The following NAV3 variants were observed in gnomAD, a reference collection of about 807,000 sequenced individuals.
The protein encoded by NAV3 is pore membrane and/or filament interacting like protein 1.
NAV3 carries 87 observed loss-of-function variants against 244.7 expected under a neutral mutation model. That is an observed-to-expected ratio of 0.36 (90% CI 0.30 to 0.42). The LOEUF (loss-of-function observed/expected upper bound fraction) is 0.42. Ranked by LOEUF, NAV3 falls within the 20% of genes least tolerant of loss-of-function variation. The pLI is 1.00. For synonymous variants in NAV3, 1,126 were observed against 1,042.2 expected (o/e 1.08, Z -1.55); for missense variants, 2,663 against 2,893.3 (o/e 0.92, Z 1.83).
intron 8 of NAV3, among the ~76,000 whole-genome samples, chr12:78,011,875 C>T (rs991587947): frequency 1.3e-5 from 2 of 152,104 alleles, no homozygotes; most frequent in Admixed American, 6.6e-5. Flanking sequence ...AAGCAAGGCA[C>T]GTCTTACATG....
intron 38 of NAV3, among the ~76,000 whole-genome samples, chr12:78,203,601 T>A (rs1330190810): frequency 6.6e-6 from 1 of 152,068 alleles, no homozygotes; most frequent in Non-Finnish European, 1.5e-5. Context: ...GTTTTTATGG[T>A]GTTAATGTCC....
chr12:77,841,296 A>G (rs1424730955), intron 1 of NAV3, among the ~76,000 whole-genome samples: 3 of 152,206 alleles, frequency 2.0e-5, no homozygotes, highest in Non-Finnish European at 4.4e-5. Context: ...AATAAAAACT[A>G]TGGGCTATCT....
intron 2 of NAV3, among the ~76,000 whole-genome samples, chr12:77,767,596 A>T (rs1048204461): frequency 1.3e-5 from 2 of 152,210 alleles, no homozygotes; most frequent in African/African-American, 4.8e-5. Context: ...TGGGGCGGGC[A>T]GCTCCAGGTG....
chr12:77,773,666 T>A (rs1280964301), intron 2 of NAV3, among the ~76,000 whole-genome samples: 1 of 152,138 alleles, frequency 6.6e-6, no homozygotes, highest in Non-Finnish European at 1.5e-5. Context: ...AAAAGAATGC[T>A]ATTGAGGAGT....
intron 2 of NAV3, among the ~76,000 whole-genome samples, chr12:77,639,217 A>G (rs1313496277): frequency 2.0e-5 from 3 of 152,150 alleles, no homozygotes; most frequent in African/African-American, 7.2e-5. Context: ...CTCATCTTGT[A>G]TGTTTTAAGG....
chr12:77,688,030 A>G (rs1874837329), intron 2 of NAV3, among the ~76,000 whole-genome samples: 1 of 152,120 alleles, frequency 6.6e-6, no homozygotes, highest in African/African-American at 2.4e-5. Flanking sequence ...CCAACAGAAT[A>G]TAAATATCAT....
chr12:77,931,308 G>T (rs1888763073), intron 1 of NAV3, among the ~76,000 whole-genome samples: 1 of 151,838 alleles, frequency 6.6e-6, no homozygotes, highest in Non-Finnish European at 1.5e-5. Context: ...GTGTGTATTT[G>T]TGTGTGTGTG....
intron 2 of NAV3, among the ~76,000 whole-genome samples, chr12:77,699,789 C>CT (rs35593239): frequency 0.8 from 114,991 of 143,566 alleles, 47,944 homozygotes; most frequent in East Asian, 0.99. Flanking sequence ...TCTGCATGAC[C>CT]TTTTTTTTTT....
At chr12:77,840,961 GA>G (rs1381469455) in intron 1 of NAV3, among the ~76,000 whole-genome samples, 3 of 152,066 alleles carry the variant, frequency 2.0e-5, no homozygotes, top group Non-Finnish European at 1.5e-5. Flanking sequence ...TTCTTACCAG[GA>G]GCACTGAATT....
intron 9 of NAV3, among the ~76,000 whole-genome samples, chr12:78,030,036 T>C (rs184088442): frequency 2.0e-5 from 3 of 152,268 alleles, no homozygotes; most frequent in Non-Finnish European, 4.4e-5. Flanking sequence ...CTTCAGGCTA[T>C]GTGTATAAGA....
At chr12:77,802,554 C>T (rs960901769) in intron 2 of NAV3, among the ~76,000 whole-genome samples, 1 of 152,278 alleles carries the variant, frequency 6.6e-6, no homozygotes, top group South Asian at 2.1e-4. Context: ...CAGAGAGATT[C>T]GAGTAATTAT....
intron 7 of NAV3, among the ~76,000 whole-genome samples, chr12:77,999,742 C>T (rs754357844): frequency 2.6e-5 from 4 of 151,948 alleles, no homozygotes; most frequent in Non-Finnish European, 4.4e-5. Context: ...AGAAATATTA[C>T]TGAAGACTTA....
chr12:77,942,564 G>A (rs1018396891), intron 3 of NAV3, among the ~76,000 whole-genome samples: 8 of 152,100 alleles, frequency 5.3e-5, no homozygotes, highest in African/African-American at 1.9e-4. Flanking sequence ...TACTCTAAGT[G>A]ACTCTGTGGG....
intron 12 of NAV3, among the ~76,000 whole-genome samples, chr12:78,113,013 G>T (rs1274381530): frequency 6.6e-6 from 1 of 152,184 alleles, no homozygotes; most frequent in Non-Finnish European, 1.5e-5. Flanking sequence ...CCTCATGGAG[G>T]TCCAAAATCC....
intron 1 of NAV3, among the ~76,000 whole-genome samples, chr12:77,917,120 G>A (rs1382642): frequency 0.53 from 79,933 of 151,762 alleles, 21,692 homozygotes; most frequent in African/African-American, 0.66. Flanking sequence ...TTGTATTTCA[G>A]TACATAAAAG....
At chr12:77,655,617 T>C (rs553231883) in intron 2 of NAV3, among the ~76,000 whole-genome samples, 1 of 152,072 alleles carries the variant, frequency 6.6e-6, no homozygotes, top group South Asian at 2.1e-4. Context: ...GCCACAAAGA[T>C]ACTCCTCGAG....
chr12:78,165,094 C>T (rs1300983339), intron 23 of NAV3, among the ~76,000 whole-genome samples: 1 of 152,022 alleles, frequency 6.6e-6, no homozygotes, highest in Non-Finnish European at 1.5e-5. Context: ...GAGACATTGA[C>T]TCAATTTAGC....
intron 2 of NAV3, among the ~76,000 whole-genome samples, chr12:77,667,341 T>G (rs557023066): frequency 1.6e-4 from 25 of 152,260 alleles, no homozygotes; most frequent in African/African-American, 5.8e-4. Context: ...TCTCAGGTGG[T>G]GGTCTGGGGC....
At chr12:78,170,917 T>C (rs1037179762) in intron 24 of NAV3, among the ~76,000 whole-genome samples, 2 of 151,702 alleles carry the variant, frequency 1.3e-5, no homozygotes, top group African/African-American at 4.8e-5. Context: ...ACATTATACT[T>C]TGGGGCTTTT....
Sources: allele counts gnomAD v4.1 joint callset (sites outside exome capture counted in the v4.1 genomes callset), GRCh38; gene constraint gnomAD v4.1.1; transcripts MANE v1.5; gene names NCBI Gene and HGNC (gene_info 2026-07-23, HGNC 2026-07-21).